TRRAP: variants seen among roughly 807,000 people sequenced by gnomAD.
TRRAP encodes the protein transformation/transcription domain-associated protein.
In TRRAP, 41 loss-of-function variants were observed where a neutral mutation model predicts 438.8. The ratio of observed to expected loss-of-function variants is 0.09; its 90% confidence interval spans 0.07 to 0.12. TRRAP has a LOEUF of 0.12. Ranked by LOEUF, TRRAP falls within the 10% of genes least tolerant of loss-of-function variation. TRRAP has a pLI of 1.00. For synonymous variants in TRRAP, 1,994 were observed against 1,962.9 expected (o/e 1.02, Z -0.42); for missense variants, 3,122 against 5,055.1 (o/e 0.62, Z 11.60).
intron 60 of TRRAP, 167 bp downstream of exon 60, chr7:98,983,626 A>G (rs1040260896): frequency 1.4e-6 from 1 of 715,018 alleles, no homozygotes; most frequent in Non-Finnish European, 2.3e-6. Flanking sequence ...GTACAGGGAA[A>G]GATGAAGGTG....
At chr7:98,981,028 C>T (rs1025977689) in intron 58 of TRRAP, among the ~76,000 whole-genome samples, 5 of 152,100 alleles carry the variant, frequency 3.3e-5, no homozygotes, top group African/African-American at 9.7e-5. Context: ...CTAGCTTGAA[C>T]GACAGAGGGG....
chr7:98,935,224 C>G (rs892391617), intron 27 of TRRAP, among the ~76,000 whole-genome samples: 2 of 151,978 alleles, frequency 1.3e-5, no homozygotes, highest in African/African-American at 4.8e-5. Context: ...GGAGGCTGAT[C>G]TGAACCAGGA....
At chr7:98,975,952 C>A in intron 53 of TRRAP, 197 bp from the exon 54 acceptor site, 1 of 650,152 alleles carries the variant, frequency 1.5e-6, no homozygotes, top group Non-Finnish European at 2.4e-6. Flanking sequence ...GGCTTGGCTG[C>A]TAAGTGCACC....
At chr7:98,926,010 A>G (rs537965229) in intron 22 of TRRAP, among the ~76,000 whole-genome samples, 1 of 152,322 alleles carries the variant, frequency 6.6e-6, no homozygotes, top group South Asian at 2.1e-4. Context: ...TGTTTAAATT[A>G]ATGAAAGACA....
At chr7:98,937,300 ATG>A in intron 29 of TRRAP, 23 bp downstream of exon 29, 1 of 1,563,522 alleles carries the variant, frequency 6.4e-7, no homozygotes. Flanking sequence ...GCGTGCGTGT[ATG>A]CGCACGCGTG....
chr7:98,915,597 C>T lies in TRRAP; in HGVS notation c.2200-126C>T, dbSNP rs569262444. On this transcript the variant is annotated intron_variant, in intron 18 of 72. Transcript: ENST00000456197. ...TTGGAATATGCTTGTTTGGTTTTTT[C>T]CCTTTGGAGTAAACACATCAGAATT... 9.2e-5 allele frequency: 110 copies of T among 1,193,548 alleles called. No individual in the cohort carries two copies. In the South Asian group the frequency reaches 1.8e-3, roughly 19 times the overall value. 73.9% of individuals were successfully genotyped at this position (1,193,548 alleles called of 1,614,324 possible).
rs782566165 is a variant in TRRAP at position 98,890,435 on chromosome 7, A to G, written c.251A>G (p.Lys84Arg). The G allele has an allele frequency of 6.3e-7, 1 of 1,592,690 alleles. No individual in the cohort carries two copies. The highest frequency in any genetic ancestry group is 1.2e-5 in the South Asian group (1 of 86,258). Reference sequence around the variant, plus strand: ...GGAGAAGTTCAGTTTCTTCAGGAGAAACCAGCACAGGTAATGTAAAAAAAT... The same window carrying G: ...GGAGAAGTTCAGTTTCTTCAGGAGAGACCAGCACAGGTAATGTAAAAAAAT... ...QDGEVQFLQE[K>R]PAQQLRKLVL... The change falls in exon 4 of 73, where the codon AAA becomes AGA. Residue 84 changes from lysine to arginine, a missense_variant. Physicochemically the swap from Lys to Arg is conservative, Grantham distance 26 (BLOSUM62 2). Around this residue, in one of 24 missense-constraint regions of TRRAP, gnomAD observed 343 missense variants for 564.0 expected, o/e 0.61. Coordinates refer to ENST00000456197, the MANE Select transcript of TRRAP (RefSeq NM_001375524.1).
At chr7:98,929,100 G>C (rs1390839202) in intron 23 of TRRAP, among the ~76,000 whole-genome samples, 1 of 151,898 alleles carries the variant, frequency 6.6e-6, no homozygotes, top group South Asian at 2.1e-4. Flanking sequence ...CACCACGCCC[G>C]GGTAATTTTT....
At chr7:98,892,190 C>T (rs910614836) in intron 4 of TRRAP, among the ~76,000 whole-genome samples, 4 of 152,130 alleles carry the variant, frequency 2.6e-5, no homozygotes, top group Non-Finnish European at 2.9e-5. Context: ...TTGGCTTAGT[C>T]GATTTGGTAC....
rs1017804039 is a variant in TRRAP at position 98,984,319 on chromosome 7, C to T, written c.9249C>T (p.Leu3083=). ...QKIRQQVKCY[L]QLAGVMGKNE... is the part of the protein sequence containing the mutation. ...TTCGACAGCAAGTTAAATGCTACCT[C>T]CAGCTGGCAGGCGTCATGGGCAAAA... Residue 3083 remains leucine (L), a synonymous_variant, in exon 61 of 73, where the codon CTC becomes CTT. Transcript: ENST00000456197. 2 of 1,601,480 alleles carry T rather than the reference C, an allele frequency of 1.2e-6. No homozygotes were observed. The highest frequency in any genetic ancestry group is 2.7e-5 in the African/African-American group (2 of 74,540).
In TRRAP at chr7:98,925,226, A is replaced by G. The variant is rs782404363; in HGVS notation, c.2938A>G (p.Asn980Asp). The G allele has an allele frequency of 6.2e-7, 1 of 1,614,162 alleles. No homozygotes were observed. The highest frequency in any genetic ancestry group is 8.5e-7 in the Non-Finnish European group (1 of 1,180,036). ...FLVAMMSLEDNKHALYQLLAH... is the reference protein window; with the variant it reads ...FLVAMMSLEDDKHALYQLLAH... ...GGTGGCCATGATGAGCCTGGAGGAC[A>G]ACAAGCACGCACTCTACCAGCTCCT... Residue 980 changes from asparagine to aspartate, a missense_variant, in exon 22 of 73, where the codon AAC becomes GAC. Asn to Asp is a conservative substitution (Grantham distance 23, BLOSUM62 1). Around this residue, in one of 24 missense-constraint regions of TRRAP, gnomAD observed 133 missense variants for 188.6 expected, o/e 0.71. Transcript: ENST00000456197.
At chr7:98,970,731 G>A (rs889725439) in intron 52 of TRRAP, among the ~76,000 whole-genome samples, 1 of 152,120 alleles carries the variant, frequency 6.6e-6, no homozygotes, top group African/African-American at 2.4e-5. Context: ...CTCCTGGTGA[G>A]AAAAGCCCGT....
chr7:98,941,053 T>C (rs1264727123), intron 30 of TRRAP, among the ~76,000 whole-genome samples: 1 of 152,208 alleles, frequency 6.6e-6, no homozygotes, highest in Non-Finnish European at 1.5e-5. Flanking sequence ...TTGGCCCATT[T>C]TGAGTTCATT....
chr7:98,915,916 T>G, intron 19 of TRRAP, 28 bp downstream of exon 19: 1 of 1,613,292 alleles, frequency 6.2e-7, no homozygotes, highest in South Asian at 1.1e-5. Flanking sequence ...GGTTGCCTTT[T>G]AGTCTTGTGT....
chr7:98,993,808 C>G, intron 66 of TRRAP, 71 bp downstream of exon 66: 1 of 1,493,922 alleles, frequency 6.7e-7, no homozygotes, highest in Non-Finnish European at 9.3e-7. Flanking sequence ...GCTTCTGTGG[C>G]TCTCTTCCCT....
intron 51 of TRRAP, among the ~76,000 whole-genome samples, 171 bp downstream of exon 51, chr7:98,967,869 A>G (rs528827982): frequency 1.3e-4 from 20 of 152,352 alleles, no homozygotes; most frequent in Non-Finnish European, 1.8e-4. Flanking sequence ...GCGTTCATCT[A>G]AAGCGTTTTT....
In TRRAP at chr7:99,012,139, C is replaced by T. The variant is rs1451663434; in HGVS notation, c.11406C>T (p.Asp3802=). 3 of 1,614,204 alleles carry T rather than the reference C, an allele frequency of 1.9e-6. No homozygotes were observed. The highest frequency in any genetic ancestry group is 2.2e-5 in the East Asian group (1 of 44,876). Reference sequence around the variant, plus strand: ...CTTGGCACAAAAAAACACAAGAGGACACGTCCTCTCCTCTCTCGGCCGCCG... The same window carrying T: ...CTTGGCACAAAAAAACACAAGAGGATACGTCCTCTCCTCTCTCGGCCGCCG... ...IIAWHKKTQE[D]TSSPLSAAGQ... Residue 3802 remains aspartate (D), a synonymous_variant, in exon 73 of 73, where the codon GAC becomes GAT. Coordinates refer to ENST00000456197, the MANE Select transcript of TRRAP (RefSeq NM_001375524.1). The surrounding 1 kb of genome is among the most constrained non-coding windows in gnomAD (Gnocchi z 5.9).
intron 63 of TRRAP, among the ~76,000 whole-genome samples, chr7:98,989,496 A>C (rs2116789414): frequency 6.6e-6 from 1 of 152,396 alleles, no homozygotes; most frequent in Non-Finnish European, 1.5e-5. Context: ...CAAGAAGCAG[A>C]CAAATAAAAC....
rs73711455 is a variant in TRRAP at position 98,961,582 on chromosome 7, A to G, written c.6703+108A>G. 754 of 1,337,634 alleles carry G rather than the reference A, an allele frequency of 5.6e-4. 4 individuals carry two copies. In the African/African-American group the frequency reaches 9.9e-3, roughly 18 times the overall value. The allele number at this position is 1,337,634 out of a possible 1,614,324, so 82.9% of individuals were successfully genotyped here. On this transcript the variant is annotated intron_variant, in intron 46 of 72. Transcript: ENST00000456197. ...TTATTGTGTCGAGCGCTTTGTTATC[A>G]CTTTCCTTTCTACTTGCAAACTTTC...
Sources: gnomAD v4.1 joint callset for allele counts (sites outside exome capture counted in the v4.1 genomes callset) on GRCh38, gnomAD v4.1.1 for gene constraint, gnomAD v4.1.1 regional missense constraint, Gnocchi (gnomAD v3.1) non-coding constraint, MANE v1.5 for transcripts, NCBI Gene and HGNC (gene_info 2026-07-23, HGNC 2026-07-21) for gene names.